Variants in IL36B observed in about 807,000 individuals in gnomAD.
IL36B encodes the protein interleukin-36 beta.
In IL36B, 23 loss-of-function variants were observed where a neutral mutation model predicts 19.3. That is an observed-to-expected ratio of 1.19 (90% CI 0.86 to 1.69). IL36B has a LOEUF of 1.69. IL36B is among the 40% of genes most tolerant of loss of function. IL36B has a pLI of 0.00. For missense variants in IL36B, 217 were observed against 200.5 expected (o/e 1.08, Z -0.50); for synonymous variants, 59 against 59.7 (o/e 0.99, Z 0.05).
At chr2:113,043,030 A>G (rs959108752) in intron 1 of IL36B, among the ~76,000 whole-genome samples, 2 of 152,064 alleles carry the variant, frequency 1.3e-5, no homozygotes, top group Non-Finnish European at 2.9e-5. Context: ...ATGACTAATT[A>G]TATTGAACAT....
intron 1 of IL36B, among the ~76,000 whole-genome samples, chr2:113,033,257 C>T (rs915690540): frequency 6.6e-6 from 1 of 152,134 alleles, no homozygotes; most frequent in Non-Finnish European, 1.5e-5. Flanking sequence ...GATGGAGTCT[C>T]GCTCTCGCTC....
chr2:113,049,874 G>C (rs2105059327), intron 1 of IL36B, among the ~76,000 whole-genome samples: 1 of 152,086 alleles, frequency 6.6e-6, no homozygotes, highest in East Asian at 1.9e-4. Flanking sequence ...AGAATCACTT[G>C]AACCTGAGAG....
intron 1 of IL36B, among the ~76,000 whole-genome samples, chr2:113,035,143 G>A (rs1685144211): frequency 6.6e-6 from 1 of 152,214 alleles, no homozygotes; most frequent in Admixed American, 6.5e-5. Flanking sequence ...GTGGTTGGCA[G>A]AAGGGTTGGA....
At chr2:113,051,027 C>G (rs906692369) in intron 1 of IL36B, among the ~76,000 whole-genome samples, 2 of 151,988 alleles carry the variant, frequency 1.3e-5, no homozygotes, top group Admixed American at 1.3e-4. Flanking sequence ...GGAGGCCGTG[C>G]CTCTCAGCGT....
intron 5 of IL36B, among the ~76,000 whole-genome samples, chr2:113,023,893 C>A (rs977998998): frequency 2.6e-5 from 4 of 152,088 alleles, no homozygotes; most frequent in Admixed American, 1.3e-4. Context: ...TCATCAACAA[C>A]GTTAAAATAA....
chr2:113,026,648 C>T (rs972015553), intron 4 of IL36B, among the ~76,000 whole-genome samples: 1 of 152,152 alleles, frequency 6.6e-6, no homozygotes, highest in African/African-American at 2.4e-5. Flanking sequence ...AAATAACTCT[C>T]ACAAAATGGA....
chr2:113,038,320 A>G (rs1224254028), intron 1 of IL36B, among the ~76,000 whole-genome samples: 3 of 152,218 alleles, frequency 2.0e-5, no homozygotes, highest in African/African-American at 7.2e-5. Flanking sequence ...GGGCTCAGAC[A>G]TCTGCCCAGT....
intron 1 of IL36B, among the ~76,000 whole-genome samples, chr2:113,043,118 T>A (rs961176227): frequency 6.6e-6 from 1 of 152,144 alleles, no homozygotes; most frequent in Admixed American, 6.5e-5. Flanking sequence ...TTGCCCATTT[T>A]AAAAATTGTC....
intron 4 of IL36B, chr2:113,027,558 T>A (rs1306524098): frequency 8.3e-6 from 9 of 1,083,688 alleles, no homozygotes; most frequent in Non-Finnish European, 1.0e-5. Context: ...TGAATCCACA[T>A]CTCTACATCA....
At chr2:113,044,114 G>C (rs1685305515) in intron 1 of IL36B, among the ~76,000 whole-genome samples, 1 of 152,040 alleles carries the variant, frequency 6.6e-6, no homozygotes, top group Admixed American at 6.6e-5. Context: ...ATATCGTTCT[G>C]GCTTTTTGGG....
At chr2:113,024,301 T>G (rs1271191021) in intron 5 of IL36B, among the ~76,000 whole-genome samples, 1 of 152,200 alleles carries the variant, frequency 6.6e-6, no homozygotes, top group African/African-American at 2.4e-5. Context: ...TCATAGGAAC[T>G]AGTGCTTCAG....
At chr2:113,049,283 A>T (rs1424090374) in intron 1 of IL36B, among the ~76,000 whole-genome samples, 1 of 152,222 alleles carries the variant, frequency 6.6e-6, no homozygotes, top group Non-Finnish European at 1.5e-5. Flanking sequence ...CAAAAGAAAA[A>T]ATGGATACAT....
intron 3 of IL36B, among the ~76,000 whole-genome samples, chr2:113,029,616 T>C (rs550680889): frequency 6.6e-6 from 1 of 152,202 alleles, no homozygotes; most frequent in Admixed American, 6.5e-5. Context: ...CAACAGAGAA[T>C]GTTAGCGGTT....
At chr2:113,033,646 G>A (rs2105046674) in intron 1 of IL36B, among the ~76,000 whole-genome samples, 1 of 152,302 alleles carries the variant, frequency 6.6e-6, no homozygotes. Flanking sequence ...AAGAAATCTA[G>A]CCAAGTTAGA....
At position 113,022,564 on chromosome 2, in the gene IL36B, C is replaced by T; in HGVS notation, c.*110G>A. On this transcript the variant is annotated 3_prime_UTR_variant, in exon 6 of 6. Coordinates refer to ENST00000259213, the MANE Select transcript of IL36B (RefSeq NM_014438.5). ...TAGTGTCCTTGTTTTACAAACTCTC[C>T]AGAACCCAAGAAAAGAGAAAAATTT... is the stretch of plus-strand genomic sequence containing the variant. 1 of 691,980 alleles carries T rather than the reference C, an allele frequency of 1.4e-6. No individual in the cohort carries two copies. The highest frequency in any genetic ancestry group is 2.6e-6 in the Non-Finnish European group (1 of 389,608). The allele number at this position is 691,980 out of a possible 1,614,324, so 42.9% of individuals were successfully genotyped here.
At position 113,031,700 on chromosome 2, in the gene IL36B, GTGGGTTCATGA is replaced by G. The variant is rs1448553520; in HGVS notation, c.-2_9del. 3.7e-6 allele frequency: 6 copies of G among 1,610,486 alleles called. No individual in the cohort carries two copies. ...TGATTTGCAATTCACCACTTACGTT[GTGGGTTCATGA>G]TGTCTTCAGAGCCTTTTGTGAAGAG... On this transcript the variant is annotated start_lost and 5_prime_UTR_variant, in exon 2 of 6. Coordinates refer to ENST00000259213, the MANE Select transcript of IL36B (RefSeq NM_014438.5).
At chr2:113,034,202 C>T (rs1278008798) in intron 1 of IL36B, among the ~76,000 whole-genome samples, 1 of 152,200 alleles carries the variant, frequency 6.6e-6, no homozygotes, top group East Asian at 1.9e-4. Context: ...GACTTCCCTG[C>T]TCTGGATGTA....
intron 1 of IL36B, among the ~76,000 whole-genome samples, chr2:113,041,775 T>G (rs1269958499): frequency 1.3e-5 from 2 of 152,198 alleles, no homozygotes; most frequent in African/African-American, 4.8e-5. Flanking sequence ...GGGTCTCACC[T>G]ATGTTGCCTA....
At chr2:113,035,865 A>T (rs17042735) in intron 1 of IL36B, among the ~76,000 whole-genome samples, 6 of 152,130 alleles carry the variant, frequency 3.9e-5, no homozygotes, top group Admixed American at 1.3e-4. Context: ...AGATAAAAGA[A>T]GGGAAGTGGT....
Sources: allele counts gnomAD v4.1 joint callset (sites outside exome capture counted in the v4.1 genomes callset), GRCh38; gene constraint gnomAD v4.1.1; transcripts MANE v1.5; gene names NCBI Gene and HGNC (gene_info 2026-07-23, HGNC 2026-07-21).